The following PREX1 variants were observed in gnomAD, a reference collection of about 807,000 sequenced individuals.
PREX1 encodes the protein phosphatidylinositol 3,4,5-trisphosphate-dependent Rac exchanger 1 protein.
PREX1 carries 41 observed loss-of-function variants against 198.3 expected under a neutral mutation model. That is an observed-to-expected ratio of 0.21 (90% CI 0.16 to 0.27). PREX1 has a LOEUF of 0.27. Among genes scored for constraint, PREX1 ranks in the 10% least tolerant of loss-of-function variants. The pLI is 1.00. For missense variants in PREX1, 1,620 were observed against 2,200.7 expected, an observed-to-expected ratio of 0.74 and a Z score of 5.28; for synonymous variants, 843 against 887.2, an observed-to-expected ratio of 0.95 and a Z score of 0.89.
At chr20:48,787,392 A>C (rs2090318017) in intron 1 of PREX1, among the ~76,000 whole-genome samples, 1 of 152,166 alleles carries the variant, frequency 6.6e-6, no homozygotes, top group African/African-American at 2.4e-5. Context: ...AAAAGAAAGA[A>C]AGAAAAAAGG....
intron 1 of PREX1, among the ~76,000 whole-genome samples, chr20:48,792,571 T>A (rs2090343230): frequency 6.6e-6 from 1 of 152,104 alleles, no homozygotes. Flanking sequence ...AAGAAACCTA[T>A]GAGACCATTC....
intron 36 of PREX1, among the ~76,000 whole-genome samples, chr20:48,630,343 A>C (rs2089303875): frequency 6.6e-6 from 1 of 152,242 alleles, no homozygotes; most frequent in South Asian, 2.1e-4. Context: ...TCCTCCAGAA[A>C]AGCTGGAAGC....
At chr20:48,742,612 G>T (rs1028805884) in intron 3 of PREX1, among the ~76,000 whole-genome samples, 2 of 152,154 alleles carry the variant, frequency 1.3e-5, no homozygotes, top group Non-Finnish European at 2.9e-5. Context: ...GACTCTGATG[G>T]TAAGTGCAGC....
chr20:48,794,671 A>G (rs1891210877), intron 1 of PREX1, among the ~76,000 whole-genome samples: 1 of 152,190 alleles, frequency 6.6e-6, no homozygotes, highest in Admixed American at 6.5e-5. Flanking sequence ...CCAGGTTGCC[A>G]TGGCCACGGA....
chr20:48,657,995 T>C (rs1019893549), intron 17 of PREX1, 141 bp downstream of exon 17: 8 of 853,726 alleles, frequency 9.4e-6, no homozygotes, highest in Non-Finnish European at 1.5e-5. Context: ...TGGACTCAGT[T>C]TCTCCACGTG....
chr20:48,741,547 G>A lies in PREX1; in HGVS notation c.414+3478C>T, dbSNP rs74273481. ...GCTAAGGGGCTGAACTATTTCTGATGCAGAGACAGAGCAGTGAACATGACA... is the reference window on the plus strand; with the variant it reads ...GCTAAGGGGCTGAACTATTTCTGATACAGAGACAGAGCAGTGAACATGACA... On this transcript the variant is annotated intron_variant, in intron 3 of 39. Transcript: ENST00000371941. 1.5e-3 allele frequency among the ~76,000 whole-genome samples: 222 copies of A among 152,236 alleles called. 1 individual carries two copies. The highest frequency in any genetic ancestry group is 8.3e-3 in the Admixed American group (127 of 15,296).
intron 15 of PREX1, among the ~76,000 whole-genome samples, chr20:48,661,385 C>G (rs2089589761): frequency 8.4e-6 from 1 of 118,566 alleles, no homozygotes; most frequent in Non-Finnish European, 1.6e-5. Context: ...CGCCATTGCA[C>G]TCCAGCATGG....
At chr20:48,674,013 T>C (rs1366722475) in intron 14 of PREX1, among the ~76,000 whole-genome samples, 1 of 152,236 alleles carries the variant, frequency 6.6e-6, no homozygotes, top group Non-Finnish European at 1.5e-5. Context: ...GTAGCAAGGC[T>C]GGGACTTGAA....
At chr20:48,796,109 CATTTGT>C (rs2090361303) in intron 1 of PREX1, among the ~76,000 whole-genome samples, 1 of 152,120 alleles carries the variant, frequency 6.6e-6, no homozygotes, top group African/African-American at 2.4e-5. Context: ...AAGAAGAATG[CATTTGT>C]ATTTGTCATG....
At position 48,652,601 on chromosome 20, in the gene PREX1, C is replaced by A. The variant is rs1425768314; in HGVS notation, c.2452G>T (p.Asp818Tyr). The change falls in exon 21 of 40, where the codon GAC (aspartate) becomes TAC (tyrosine). Residue 818 changes from aspartate (D) to tyrosine (Y), a missense_variant. This residue lies in a region of PREX1 where 514 missense variants were observed against 611.6 expected (regional missense o/e 0.84). Coordinates refer to ENST00000371941, the MANE Select transcript of PREX1 (RefSeq NM_020820.4). ...CGTCTATTACCTGAATCAGCCTGGT[C>A]TTCCTCCTGGGCCTGCTCGCCACTG... ...DPSGEQAQEE[D>Y]QADSAFPLLS... is the part of the protein sequence containing the mutation. 1 of 1,612,002 alleles carries A rather than the reference C, an allele frequency of 6.2e-7. No individual in the cohort carries two copies. The highest frequency in any genetic ancestry group is 8.5e-7 in the Non-Finnish European group (1 of 1,178,792).
At chr20:48,748,532 C>A (rs2090119811) in intron 1 of PREX1, among the ~76,000 whole-genome samples, 1 of 152,066 alleles carries the variant, frequency 6.6e-6, no homozygotes, top group Non-Finnish European at 1.5e-5. Context: ...ACTGGATGAC[C>A]CGCACCTGGA....
chr20:48,656,471 C>CA (rs1292308719), intron 18 of PREX1: 1 of 456,628 alleles, frequency 2.2e-6, no homozygotes, highest in Non-Finnish European at 4.4e-6. Flanking sequence ...CCCTCCCTCT[C>CA]ACTCACTGCT....
chr20:48,740,429 C>G lies in PREX1; in HGVS notation c.414+4596G>C, dbSNP rs117937142. ...GAGGCGGTACACCCACTCCTGAGGACAGCCCACTGGGCAACAAGGGTGCAA... is the reference window on the plus strand; with the variant it reads ...GAGGCGGTACACCCACTCCTGAGGAGAGCCCACTGGGCAACAAGGGTGCAA... On this transcript the variant is annotated intron_variant, in intron 3 of 39. Coordinates refer to ENST00000371941, the MANE Select transcript of PREX1 (RefSeq NM_020820.4). Among the ~76,000 whole-genome samples the G allele has an allele frequency of 2.2e-3, 339 of 152,356 alleles. 3 individuals are homozygous for G. In the East Asian group the frequency reaches 0.042, roughly 19 times the overall value.
chr20:48,732,522 C>G (rs998005902), intron 4 of PREX1, among the ~76,000 whole-genome samples: 2 of 152,030 alleles, frequency 1.3e-5, no homozygotes, highest in African/African-American at 4.8e-5. Flanking sequence ...CGTCTGTGAC[C>G]GAATGAGAAG....
chr20:48,642,989 C>T (rs11698365), intron 27 of PREX1, among the ~76,000 whole-genome samples: 9,750 of 152,208 alleles, frequency 0.064, 375 homozygotes, highest in South Asian at 0.13. Context: ...AATTTTTATG[C>T]ACAGACTATC....
intron 1 of PREX1, among the ~76,000 whole-genome samples, chr20:48,820,768 C>T (rs2123075478): frequency 6.6e-6 from 1 of 152,342 alleles, no homozygotes; most frequent in South Asian, 2.1e-4. Flanking sequence ...TGCTAAACAT[C>T]TTACAATGCA....
At chr20:48,704,485 A>G (rs1322580595) in intron 6 of PREX1, among the ~76,000 whole-genome samples, 3 of 151,932 alleles carry the variant, frequency 2.0e-5, no homozygotes, top group Non-Finnish European at 4.4e-5. Flanking sequence ...GGGCTGCCAG[A>G]GCCAGAGCCA....
the PREX1 span, among the ~76,000 whole-genome samples, chr20:48,877,520 T>C: frequency 6.6e-6 from 1 of 152,174 alleles, no homozygotes; most frequent in Non-Finnish European, 1.5e-5. Context: ...CTCCCAATAG[T>C]AATAGAAATG....
chr20:48,861,738 C>T, the PREX1 span, among the ~76,000 whole-genome samples: 11 of 152,126 alleles, frequency 7.2e-5, no homozygotes, highest in East Asian at 9.6e-4. Flanking sequence ...CTGGATTCCT[C>T]GGACCAGTTT....
Sources: allele counts gnomAD v4.1 joint callset (sites outside exome capture counted in the v4.1 genomes callset), GRCh38; gene constraint gnomAD v4.1.1; regional missense constraint gnomAD v4.1.1; transcripts MANE v1.5; gene names NCBI Gene and HGNC (gene_info 2026-07-23, HGNC 2026-07-21).